The following NLRP2 variants were observed in gnomAD, a reference collection of about 807,000 sequenced individuals.
NLRP2 encodes NACHT, LRR and PYD domains-containing protein 2.
In NLRP2, 107 loss-of-function variants were observed where a neutral mutation model predicts 97.2. That is an observed-to-expected ratio of 1.10 (90% confidence interval 0.94 to 1.29). The LOEUF (loss-of-function observed/expected upper bound fraction) is 1.29, where lower values mean the gene tolerates loss of function less well. Ranked by LOEUF, NLRP2 falls within the 50% of genes most tolerant of loss-of-function variation. The pLI is 0.00. For synonymous variants in NLRP2, 663 were observed against 551.5 expected, an observed-to-expected ratio of 1.20 and a Z score of -2.83; for missense variants, 1,495 against 1,330.3, an observed-to-expected ratio of 1.12 and a Z score of -1.93.
chr19:54,971,392 C>G (rs570165958), intron 2 of NLRP2, among the ~76,000 whole-genome samples: 3 of 152,096 alleles, frequency 2.0e-5, no homozygotes, highest in Admixed American at 6.6e-5. Context: ...CTGAGGAATC[C>G]CCACACCGAC....
intron 2 of NLRP2, 58 bp downstream of exon 2, chr19:54,970,353 CTT>C: frequency 6.2e-7 from 1 of 1,603,972 alleles, no homozygotes; most frequent in East Asian, 2.2e-5. Flanking sequence ...CTCTCCAGGA[CTT>C]TAGAAATTCA....
intron 2 of NLRP2, among the ~76,000 whole-genome samples, chr19:54,971,050 C>A (rs952309338): frequency 9.4e-5 from 13 of 138,378 alleles, no homozygotes; most frequent in Non-Finnish European, 2.0e-4. Context: ...CAATTCCCAC[C>A]TATGAGTGAG....
At chr19:54,976,656 C>T (rs1447888354) in intron 3 of NLRP2, among the ~76,000 whole-genome samples, 3 of 151,730 alleles carry the variant, frequency 2.0e-5, no homozygotes, top group Admixed American at 6.6e-5. Flanking sequence ...GGTGAAGACT[C>T]TAAAGGCTCT....
intron 2 of NLRP2, among the ~76,000 whole-genome samples, chr19:54,971,995 A>ATTTTTTTT (rs61335843): frequency 8.6e-5 from 10 of 116,386 alleles, no homozygotes; most frequent in Non-Finnish European, 1.2e-4. Flanking sequence ...TGCCTGGCTG[A>ATTTTTTTT]TTTTTTTTTT....
intron 11 of NLRP2, among the ~76,000 whole-genome samples, chr19:54,996,146 GCA>G (rs2072810138): frequency 2.0e-5 from 3 of 151,902 alleles, no homozygotes; most frequent in African/African-American, 7.3e-5. Flanking sequence ...GGTCAAGGCT[GCA>G]GTGAGCCAAG....
rs200366059 is a variant in NLRP2, at chr19:54,984,329, G to GTTTTTTTTTTTTTTTTTTTTTTTTT, written c.2030+624_2030+625insTTTTTTTTTTTTTTTTTTTTTTTTT. On this transcript the variant is annotated intron_variant, in intron 6 of 12. Transcript: ENST00000448584. ...AACTTAAGTGGGGGTTTTTTTTTGT[G>GTTTTTTTTTTTTTTTTTTTTTTTTT]TTTTTTTTTTTTTTTTTTTTTTTGG... is the stretch of plus-strand genomic sequence containing the variant. Among the ~76,000 whole-genome samples the GTTTTTTTTTTTTTTTTTTTTTTTTT allele has an allele frequency of 3.6e-4, 29 of 79,670 alleles. 1 individual carries two copies. Among genetic ancestry groups the GTTTTTTTTTTTTTTTTTTTTTTTTT allele is most frequent in the African/African-American group, 7.9e-4 (17 of 21,642 alleles). The allele number at this position is 79,670 out of a possible 152,430, so 52.3% of individuals were successfully genotyped here.
intron 7 of NLRP2, 63 bp downstream of exon 7, chr19:54,985,280 T>C (rs1478821892): frequency 2.7e-6 from 4 of 1,484,414 alleles, no homozygotes; most frequent in Non-Finnish European, 1.9e-6. Context: ...AATGTTAACA[T>C]CGGAGCAATA....
intron 9 of NLRP2, 145 bp from the exon 10 acceptor site, chr19:54,990,357 C>A: frequency 8.9e-7 from 1 of 1,119,538 alleles, no homozygotes; most frequent in Non-Finnish European, 1.4e-6. Context: ...TTCTCTCATT[C>A]CTATTCCTTC....
chr19:54,983,802 C>T lies in NLRP2; in HGVS notation c.2030+74C>T, dbSNP rs1003666196. On this transcript the variant is annotated intron_variant, in intron 6 of 12. Coordinates refer to ENST00000448584, the MANE Select transcript of NLRP2 (RefSeq NM_017852.5). ...ATGCCCCCTTAGGAAGAGGCCAGAGCCTCCTATGCACTGTGGCTTAGGGTC... is the reference window on the plus strand; with the variant it reads ...ATGCCCCCTTAGGAAGAGGCCAGAGTCTCCTATGCACTGTGGCTTAGGGTC... The T allele has an allele frequency of 3.2e-6, 5 of 1,582,516 alleles. No homozygotes were observed. In the South Asian group the frequency reaches 3.3e-5, roughly 10 times the overall value.
In NLRP2 at chr19:55,001,039, T is replaced by A; in HGVS notation, c.*141T>A. The A allele has an allele frequency of 1.4e-6, 1 of 734,538 alleles. No individual in the cohort carries two copies. Among genetic ancestry groups the A allele is most frequent in the Non-Finnish European group, 2.4e-6 (1 of 422,910 alleles). 45.5% of individuals were successfully genotyped at this position (734,538 alleles called of 1,614,324 possible). On this transcript the variant is annotated 3_prime_UTR_variant, in exon 13 of 13. Transcript: ENST00000448584. ...GGGCTAGATGTTTTAGCCATGATTCTGCCTCTGTTTTATACCTGCACACAT... is the reference window on the plus strand; with the variant it reads ...GGGCTAGATGTTTTAGCCATGATTCAGCCTCTGTTTTATACCTGCACACAT...
intron 4 of NLRP2, among the ~76,000 whole-genome samples, chr19:54,979,467 G>A (rs148354527): frequency 0.024 from 3,612 of 151,650 alleles, 60 homozygotes; most frequent in African/African-American, 0.048. Flanking sequence ...AGCCTCCCGA[G>A]TAGCTGGGAT....
chr19:54,995,289 C>T (rs1449575274), intron 11 of NLRP2, among the ~76,000 whole-genome samples: 1 of 141,570 alleles, frequency 7.1e-6, no homozygotes, highest in African/African-American at 2.6e-5. Flanking sequence ...CTCCTGGGTT[C>T]AAGTGATTCT....
chr19:54,977,696 T>C, intron 3 of NLRP2, 56 bp from the exon 4 acceptor site: 1 of 1,567,494 alleles, frequency 6.4e-7, no homozygotes, highest in Non-Finnish European at 8.8e-7. Context: ...TTGAGCCATC[T>C]TGGAGTCCCA....
chr19:54,980,986 C>G (rs920514861), intron 4 of NLRP2, among the ~76,000 whole-genome samples: 1 of 152,150 alleles, frequency 6.6e-6, no homozygotes, highest in Non-Finnish European at 1.5e-5. Context: ...TGGCACATGC[C>G]TGTAATTCCA....
At chr19:54,998,558 T>TGTTTG (rs58009787) in intron 12 of NLRP2, among the ~76,000 whole-genome samples, 1 of 150,640 alleles carries the variant, frequency 6.6e-6, no homozygotes, top group African/African-American at 2.5e-5. Context: ...TTTGTTTATT[T>TGTTTG]ATTATTTATT....
rs2072063808 is a variant in NLRP2 at position 54,986,171 on chromosome 19, C to T, written c.2222C>T (p.Ala741Val). The T allele has an allele frequency of 6.2e-7, 1 of 1,613,326 alleles. No homozygotes were observed. The highest frequency in any genetic ancestry group is 1.3e-5 in the African/African-American group (1 of 74,912). Residue 741 changes from alanine (A) to valine (V), a missense_variant, in exon 8 of 13, where the codon GCT becomes GTT. Transcript: ENST00000448584. The part of the protein sequence containing the change: ...QRVVFKNISP[A>V]DAHRNLCLAL... ...CCTAGGTTCAAAAACATTTCCCCAG[C>T]TGATGCTCATCGGAACCTCTGCCTA...
At chr19:54,996,054 C>CAAA (rs1013592892) in intron 11 of NLRP2, among the ~76,000 whole-genome samples, 7 of 115,900 alleles carry the variant, frequency 6.0e-5, no homozygotes, top group African/African-American at 2.1e-4. Flanking sequence ...AAAAAAAAAA[C>CAAA]AAAAAAAACA....
rs1184113148 is a variant in NLRP2, at chr19:54,973,948, C to T, written c.281-552C>T. ...AGTGTTATGACAGGAAGCAGAGTGG[C>T]TATGGTGGGCAGACTAAGCCGATTT... On this transcript the variant is annotated intron_variant, in intron 2 of 12. Coordinates refer to ENST00000448584, the MANE Select transcript of NLRP2 (RefSeq NM_017852.5). 6.9e-6 allele frequency: 6 copies of T among 866,468 alleles called. No homozygotes were observed. In the African/African-American group the frequency reaches 8.4e-5, roughly 12 times the overall value. The allele number at this position is 866,468 out of a possible 1,614,324, so 53.7% of individuals were successfully genotyped here. A position where few individuals can be genotyped will look rare whatever the true frequency, so the allele number is the denominator to read the frequency against.
At chr19:54,985,554 T>G (rs1344011314) in intron 7 of NLRP2, among the ~76,000 whole-genome samples, 2 of 151,130 alleles carry the variant, frequency 1.3e-5, no homozygotes, top group Non-Finnish European at 2.9e-5. Context: ...GGCAGGCACC[T>G]GTAATATCAG....
Sources: gnomAD v4.1 joint callset for allele counts (sites outside exome capture counted in the v4.1 genomes callset) on GRCh38, gnomAD v4.1.1 for gene constraint, MANE v1.5 for transcripts, NCBI Gene and HGNC (gene_info 2026-07-23, HGNC 2026-07-21) for gene names.